The following CHD9 variants were observed in gnomAD, a reference collection of about 807,000 sequenced individuals.
CHD9 encodes ATP-dependent chromatin remodeler CHD9.
In CHD9, 77 loss-of-function variants were observed where a neutral mutation model predicts 316.1. The observed-to-expected ratio is 0.24, with a 90% CI of 0.20 to 0.29. CHD9 has a LOEUF of 0.29. CHD9 is among the 10% of genes least tolerant of loss of function. The pLI, the probability that CHD9 is intolerant of heterozygous loss-of-function variation, is 1.00. For missense variants in CHD9, 2,763 were observed against 3,438.1 expected (o/e 0.80, Z 4.91); for synonymous variants, 1,129 against 1,158.3 (o/e 0.97, Z 0.51).
chr16:53,223,641 C>G (rs2047418344), intron 4 of CHD9: 1 of 152,200 alleles, frequency 6.6e-6, no homozygotes, highest in South Asian at 2.1e-4. Context: ...TGGAATAATG[C>G]TGGCCATTTT....
intron 22 of CHD9, among the ~76,000 whole-genome samples, chr16:53,271,402 C>T (rs960411519): frequency 1.3e-5 from 2 of 151,852 alleles, no homozygotes; most frequent in Non-Finnish European, 2.9e-5. Context: ...AACCCCGTCT[C>T]TACTAAAAAT....
intron 1 of CHD9, among the ~76,000 whole-genome samples, chr16:53,113,077 G>T (rs1287965114): frequency 1.3e-5 from 2 of 152,048 alleles, no homozygotes; most frequent in African/African-American, 4.8e-5. Context: ...AGCTACGTTT[G>T]GGAGGCTGAG....
At chr16:53,269,379 G>T (rs1045272011) in intron 22 of CHD9, among the ~76,000 whole-genome samples, 3 of 152,104 alleles carry the variant, frequency 2.0e-5, no homozygotes, top group African/African-American at 7.2e-5. Flanking sequence ...GTGTTGAAAA[G>T]ATAAGAAGAA....
intron 37 of CHD9, among the ~76,000 whole-genome samples, chr16:53,318,617 A>G (rs543193296): frequency 6.6e-6 from 1 of 152,348 alleles, no homozygotes; most frequent in East Asian, 1.9e-4. Flanking sequence ...GCACGACATC[A>G]AAAACAGTCA....
At chr16:53,286,045 T>C (rs1348871584) in intron 25 of CHD9, among the ~76,000 whole-genome samples, 181 bp from the exon 26 acceptor site, 7 of 152,230 alleles carry the variant, frequency 4.6e-5, no homozygotes, top group Admixed American at 4.6e-4. Flanking sequence ...TTAGTAGATA[T>C]CTATTACCAG....
chr16:53,166,684 T>C (rs1193298629), intron 2 of CHD9, among the ~76,000 whole-genome samples: 2 of 152,272 alleles, frequency 1.3e-5, no homozygotes, highest in East Asian at 3.9e-4. Flanking sequence ...ATTAAGGAAA[T>C]GTTTTAATAC....
intron 1 of CHD9, among the ~76,000 whole-genome samples, chr16:53,068,007 T>A (rs943640267): frequency 3.3e-5 from 5 of 152,132 alleles, no homozygotes; most frequent in Admixed American, 6.6e-5. Flanking sequence ...TGCAGTGAGC[T>A]AAGATTGTGC....
At chr16:53,206,043 C>T (rs1444931023) in intron 2 of CHD9, among the ~76,000 whole-genome samples, 3 of 152,092 alleles carry the variant, frequency 2.0e-5, no homozygotes, top group African/African-American at 7.2e-5. Context: ...ACCTCCGCCT[C>T]CCAGGTTCAA....
At chr16:53,204,045 A>T (rs58814683) in intron 2 of CHD9, among the ~76,000 whole-genome samples, 1 of 85,822 alleles carries the variant, frequency 1.2e-5, no homozygotes, top group Non-Finnish European at 2.5e-5. Context: ...AAAAAAAAAA[A>T]AAAATATATA....
intron 1 of CHD9, among the ~76,000 whole-genome samples, chr16:53,136,614 C>CA (rs924326516): frequency 2.7e-5 from 4 of 150,076 alleles, no homozygotes. Flanking sequence ...GTCTGTTTTA[C>CA]AGTTGAAGCA....
intron 11 of CHD9, among the ~76,000 whole-genome samples, chr16:53,235,626 A>G (rs1252907260): frequency 6.6e-6 from 1 of 152,176 alleles, no homozygotes; most frequent in Admixed American, 6.6e-5. Flanking sequence ...CTGTCTGCCA[A>G]CAATCAGTTC....
chr16:53,312,865 C>T (rs547495965), intron 34 of CHD9, among the ~76,000 whole-genome samples: 2 of 152,178 alleles, frequency 1.3e-5, no homozygotes, highest in Non-Finnish European at 2.9e-5. Flanking sequence ...CCAGGACTTG[C>T]TCAGTAAATT....
intron 2 of CHD9, among the ~76,000 whole-genome samples, chr16:53,158,219 T>C (rs1227263424): frequency 6.6e-6 from 1 of 152,220 alleles, no homozygotes; most frequent in African/African-American, 2.4e-5. Context: ...AAATTCTCCA[T>C]TTTAATAACC....
intron 2 of CHD9, among the ~76,000 whole-genome samples, chr16:53,198,936 CTT>C (rs994304538): frequency 7.9e-5 from 12 of 151,626 alleles, no homozygotes; most frequent in African/African-American, 2.9e-4. Flanking sequence ...TTTTATAAGT[CTT>C]ATAAAAATGT....
intron 28 of CHD9, among the ~76,000 whole-genome samples, chr16:53,292,566 C>T (rs1211047322): frequency 6.6e-6 from 1 of 152,096 alleles, no homozygotes; most frequent in East Asian, 1.9e-4. Flanking sequence ...GAGTATTTGC[C>T]AGCCAGTGTG....
intron 1 of CHD9, among the ~76,000 whole-genome samples, chr16:53,145,916 C>T (rs2040536537): frequency 1.3e-5 from 2 of 152,032 alleles, no homozygotes; most frequent in Admixed American, 1.3e-4. Context: ...ATGCTAGCTA[C>T]AACATGGAAG....
At chr16:53,243,592 CGTGA>C (rs2049296986) in intron 13 of CHD9, among the ~76,000 whole-genome samples, 1 of 152,160 alleles carries the variant, frequency 6.6e-6, no homozygotes, top group Admixed American at 6.5e-5. Context: ...GGATTACAGG[CGTGA>C]GCCTGTAATT....
intron 1 of CHD9, among the ~76,000 whole-genome samples, chr16:53,109,439 T>C (rs1239584488): frequency 2.0e-5 from 3 of 152,070 alleles, no homozygotes; most frequent in Admixed American, 6.5e-5. Flanking sequence ...ATTTTTTTTT[T>C]CTCCTACCTC....
At chr16:53,223,169 T>G (rs1178260177) in intron 4 of CHD9, among the ~76,000 whole-genome samples, 1 of 152,094 alleles carries the variant, frequency 6.6e-6, no homozygotes, top group African/African-American at 2.4e-5. Flanking sequence ...AATAATTCCT[T>G]TGGTCTGTTT....
Sources: allele counts gnomAD v4.1 joint callset (sites outside exome capture counted in the v4.1 genomes callset), GRCh38; gene constraint gnomAD v4.1.1; transcripts MANE v1.5; gene names NCBI Gene and HGNC (gene_info 2026-07-23, HGNC 2026-07-21).